The following IL1RAPL2 variants were observed in gnomAD, a reference collection of about 807,000 sequenced individuals.
IL1RAPL2 encodes interleukin 1 receptor accessory protein like 2.
A neutral mutation model predicts 44.1 loss-of-function variants in IL1RAPL2; 3 were observed. That is an observed-to-expected ratio of 0.07 (90% CI 0.03 to 0.18). The LOEUF is 0.18. Ranked by LOEUF, IL1RAPL2 falls within the 10% of genes least tolerant of loss-of-function variation. The pLI, the probability that IL1RAPL2 is intolerant of heterozygous loss-of-function variation, is 1.00. For synonymous variants in IL1RAPL2, 181 were observed against 178.8 expected (o/e 1.01, Z -0.10); for missense variants, 391 against 496.4 (o/e 0.79, Z 2.02).
intron 1 of IL1RAPL2, among the ~76,000 whole-genome samples, chrX:104,655,513 G>A (rs949905372): frequency 1.8e-5 from 2 of 111,801 alleles, no homozygotes; most frequent in Admixed American, 9.5e-5. Context: ...TGCATCCCAG[G>A]GATGAAGCCC....
chrX:104,955,104 T>C (rs1925679237), intron 2 of IL1RAPL2, among the ~76,000 whole-genome samples: 1 of 111,831 alleles, frequency 8.9e-6, no homozygotes, highest in Non-Finnish European at 1.9e-5. Context: ...TAAACTGTCA[T>C]GGTATTGGTA....
At position 104,797,187 on chromosome X, in the gene IL1RAPL2, C is replaced by CG. The variant is rs1309689844; in HGVS notation, c.82+138192_82+138193insG. 9.9e-4 allele frequency among the ~76,000 whole-genome samples: 18 copies of CG among 18,214 alleles called. 1 individual carries two copies. The highest frequency in any genetic ancestry group is 8.1e-3 in the African/African-American group (17 of 2,100). 15.8% of individuals were successfully genotyped at this position (18,214 alleles called of 115,157 possible). A position where few individuals can be genotyped will look rare whatever the true frequency, so the allele number is the denominator to read the frequency against. On this transcript the variant is annotated intron_variant, in intron 2 of 10. Transcript: ENST00000372582. ...CCTAAGTTGTAATGATCTCTTCAGCCCCCCCCCCCCCCCCGCAAAGTAATG... is the reference window on the plus strand; with the variant it reads ...CCTAAGTTGTAATGATCTCTTCAGCCGCCCCCCCCCCCCCCGCAAAGTAATG...
chrX:105,700,406 T>C (rs749580352), intron 6 of IL1RAPL2, among the ~76,000 whole-genome samples: 6 of 112,094 alleles, frequency 5.4e-5, no homozygotes, highest in Non-Finnish European at 1.1e-4. Context: ...AAGATGTACA[T>C]TGTAAAAACA....
At chrX:104,618,708 G>A (rs773148345) in intron 1 of IL1RAPL2, among the ~76,000 whole-genome samples, 3 of 111,318 alleles carry the variant, frequency 2.7e-5, no homozygotes, top group South Asian at 7.6e-4. Context: ...TTCTGTACCA[G>A]GTTCTCTGCA....
chrX:105,111,967 C>G (rs1454806024), intron 2 of IL1RAPL2, among the ~76,000 whole-genome samples: 1 of 111,711 alleles, frequency 9.0e-6, no homozygotes, highest in East Asian at 2.8e-4. Flanking sequence ...AGGAATTCAT[C>G]TTTGATCAGA....
intron 2 of IL1RAPL2, among the ~76,000 whole-genome samples, chrX:104,861,214 A>G (rs1922484946): frequency 1.8e-5 from 2 of 111,974 alleles, no homozygotes; most frequent in Admixed American, 9.5e-5. Flanking sequence ...CCTTTTTAGC[A>G]TCAGTCTCAT....
At chrX:104,769,224 T>C (rs1301689142) in intron 2 of IL1RAPL2, among the ~76,000 whole-genome samples, 1 of 111,984 alleles carries the variant, frequency 8.9e-6, no homozygotes, top group African/African-American at 3.2e-5. Context: ...TAGCGTCTTG[T>C]ACATTGTGTA....
At chrX:105,397,168 C>T (rs1349091229) in intron 5 of IL1RAPL2, among the ~76,000 whole-genome samples, 1 of 111,059 alleles carries the variant, frequency 9.0e-6, no homozygotes, top group Non-Finnish European at 1.9e-5. Context: ...AGGGATTCCA[C>T]TGATTCTACA....
intron 2 of IL1RAPL2, among the ~76,000 whole-genome samples, chrX:104,671,539 G>A (rs754500755): frequency 8.4e-4 from 93 of 111,359 alleles, no homozygotes; most frequent in African/African-American, 2.9e-3. Context: ...CTGTGCTCCT[G>A]TAGCATTTTG....
intron 6 of IL1RAPL2, among the ~76,000 whole-genome samples, chrX:105,546,671 G>C (rs1429261759): frequency 3.6e-5 from 4 of 111,432 alleles, no homozygotes; most frequent in African/African-American, 1.3e-4. Flanking sequence ...CTTTGAAGGA[G>C]GAAAGACTTT....
rs765915611 is a variant in IL1RAPL2 at position 105,157,243 on chromosome X, A to G, written c.83-38232A>G. ...TGGAATGGGGGACAGGAAAGCCATC[A>G]GGATTGGAGGTTATTTTGTCTCAGG... On this transcript the variant is annotated intron_variant, in intron 2 of 10. Coordinates refer to ENST00000372582, the MANE Select transcript of IL1RAPL2 (RefSeq NM_017416.2). Among the ~76,000 whole-genome samples the G allele has an allele frequency of 4.5e-5, 5 of 110,865 alleles. No individual in the cohort carries two copies. In the Admixed American group the frequency reaches 4.8e-4, roughly 11 times the overall value.
At chrX:104,634,883 T>C (rs1321702243) in intron 1 of IL1RAPL2, among the ~76,000 whole-genome samples, 1 of 111,754 alleles carries the variant, frequency 8.9e-6, no homozygotes, top group Non-Finnish European at 1.9e-5. Flanking sequence ...GATCCTGTCA[T>C]TATGATGTTA....
At chrX:104,825,617 T>C (rs1344119464) in intron 2 of IL1RAPL2, among the ~76,000 whole-genome samples, 1 of 112,322 alleles carries the variant, frequency 8.9e-6, no homozygotes, top group Admixed American at 9.5e-5. Flanking sequence ...CACATAATGT[T>C]TTTAAATTTA....
Position 104,585,191 on chromosome X carries a change from ATGTATATGTAT to A in IL1RAPL2, c.-20+18142_-20+18152del, listed in dbSNP as rs1569487873. Among the ~76,000 whole-genome samples, 107 of 55,568 alleles carry A rather than the reference ATGTATATGTAT, an allele frequency of 1.9e-3. 6 individuals carry two copies. In the African/African-American group the frequency reaches 0.02, roughly 10 times the overall value. 48.3% of individuals were successfully genotyped at this position (55,568 alleles called of 115,157 possible). A position where few individuals can be genotyped will look rare whatever the true frequency, so the allele number is the denominator to read the frequency against. On this transcript the variant is annotated intron_variant, in intron 1 of 10. Transcript: ENST00000372582. ...TATGTATATATACACACATACACAC[ATGTATATGTAT>A]TATATATACACATATATGTATATAT... is the stretch of plus-strand genomic sequence containing the variant.
chrX:104,943,331 A>G (rs1322063907), intron 2 of IL1RAPL2, among the ~76,000 whole-genome samples: 2 of 111,454 alleles, frequency 1.8e-5, no homozygotes, highest in East Asian at 2.8e-4. Context: ...CCAGAGCTCC[A>G]GACTTGTATA....
intron 2 of IL1RAPL2, among the ~76,000 whole-genome samples, chrX:104,975,737 C>T (rs1300656923): frequency 8.9e-6 from 1 of 112,158 alleles, no homozygotes; most frequent in African/African-American, 3.2e-5. Flanking sequence ...GGCCCCAGTA[C>T]AGGGCCCCTC....
At chrX:105,752,848 A>G in intron 9 of IL1RAPL2, 1 of 302,178 alleles carries the variant, frequency 3.3e-6, no homozygotes, top group Non-Finnish European at 6.4e-6. Context: ...GACATCTGAC[A>G]TGGTGGCTTT....
At chrX:105,129,239 G>T (rs1373605166) in intron 2 of IL1RAPL2, among the ~76,000 whole-genome samples, 1 of 110,296 alleles carries the variant, frequency 9.1e-6, no homozygotes, top group African/African-American at 3.3e-5. Flanking sequence ...TCTGGTGAGG[G>T]CTTGCTCTCA....
chrX:104,647,145 G>C (rs1317873521), intron 1 of IL1RAPL2: 1 of 250,327 alleles, frequency 4.0e-6, no homozygotes, highest in Non-Finnish European at 7.4e-6. Flanking sequence ...GTGGTGTTAA[G>C]AATCATCAGG....
Sources: allele counts gnomAD v4.1 joint callset (sites outside exome capture counted in the v4.1 genomes callset), GRCh38; gene constraint gnomAD v4.1.1; transcripts MANE v1.5; gene names NCBI Gene and HGNC (gene_info 2026-07-23, HGNC 2026-07-21).